BTBD10: variants seen among roughly 807,000 people sequenced by gnomAD.
The protein encoded by BTBD10 is BTB domain containing 10.
Under a neutral mutation model 53.2 loss-of-function variants are expected in BTBD10, and 21 were observed. That is an observed-to-expected ratio of 0.39 (90% CI 0.28 to 0.57). BTBD10 has a LOEUF of 0.57. Ranked by LOEUF, BTBD10 falls within the 20% of genes least tolerant of loss-of-function variation. The pLI is 0.53. For synonymous variants in BTBD10, 149 were observed against 192.7 expected, an observed-to-expected ratio of 0.77 and a Z score of 1.88; for missense variants, 360 against 594.7, an observed-to-expected ratio of 0.61 and a Z score of 4.10.
At chr11:13,457,294 A>G (rs1950991320) in intron 1 of BTBD10, among the ~76,000 whole-genome samples, 1 of 152,164 alleles carries the variant, frequency 6.6e-6, no homozygotes, top group Admixed American at 6.5e-5. Flanking sequence ...AGATGATACA[A>G]CTCCACTAAT....
intron 2 of BTBD10, chr11:13,439,919 A>C (rs1453071375): frequency 6.5e-7 from 1 of 1,534,208 alleles, no homozygotes; most frequent in Non-Finnish European, 8.7e-7. Flanking sequence ...ACACACAAAA[A>C]CAAGAAAAAA....
chr11:13,427,768 A>G (rs1318792040), intron 2 of BTBD10, among the ~76,000 whole-genome samples: 1 of 152,206 alleles, frequency 6.6e-6, no homozygotes, highest in East Asian at 1.9e-4. Context: ...TTAATCATAC[A>G]AAGTATGTTC....
chr11:13,462,948 G>A lies in BTBD10; in HGVS notation c.-58+144C>T, dbSNP rs190930821. 8.4e-3 allele frequency: 1,287 copies of A among 152,738 alleles called. 10 individuals carry two copies. The highest frequency in any genetic ancestry group is 0.014 in the Middle Eastern group (4 of 294). The allele number at this position is 152,738 out of a possible 1,614,324, so 9.5% of individuals were successfully genotyped here. On this transcript the variant is annotated intron_variant, in intron 1 of 8. Coordinates refer to ENST00000278174, the MANE Select transcript of BTBD10 (RefSeq NM_032320.7). Reference sequence around the variant, plus strand: ...GCCCAAAACGCCACCCACGGTACCCGAGCAGGGTCCGGCCGCCCAGACCAC... The same window carrying A: ...GCCCAAAACGCCACCCACGGTACCCAAGCAGGGTCCGGCCGCCCAGACCAC...
intron 5 of BTBD10, 125 bp from the exon 6 acceptor site, chr11:13,413,775 G>T: frequency 1.1e-6 from 1 of 933,116 alleles, no homozygotes; most frequent in Non-Finnish European, 1.5e-6. Context: ...CTGAAATGTG[G>T]AAGTTTAAAC....
chr11:13,427,037 C>A (rs1950352340), intron 2 of BTBD10, among the ~76,000 whole-genome samples: 1 of 151,978 alleles, frequency 6.6e-6, no homozygotes, highest in African/African-American at 2.4e-5. Context: ...GGCAACGTGG[C>A]AAAGCCTCAT....
At chr11:13,434,020 C>CA (rs1362952748) in intron 2 of BTBD10, among the ~76,000 whole-genome samples, 9 of 152,076 alleles carry the variant, frequency 5.9e-5, no homozygotes, top group Non-Finnish European at 1.3e-4. Context: ...GTTAAATTCT[C>CA]AAAGATCACC....
At chr11:13,413,957 C>A (rs1303594117) in intron 5 of BTBD10, among the ~76,000 whole-genome samples, 1 of 152,148 alleles carries the variant, frequency 6.6e-6, no homozygotes, top group Non-Finnish European at 1.5e-5. Context: ...GACATCACAC[C>A]AATGCATATG....
At chr11:13,391,871 G>A (rs1949415968) in intron 8 of BTBD10, among the ~76,000 whole-genome samples, 2 of 152,218 alleles carry the variant, frequency 1.3e-5, no homozygotes, top group South Asian at 4.1e-4. Flanking sequence ...TTGAACCCAG[G>A]AGGCGGAGGC....
intron 8 of BTBD10, among the ~76,000 whole-genome samples, chr11:13,398,031 G>T (rs991265805): frequency 2.6e-5 from 4 of 152,186 alleles, no homozygotes; most frequent in Non-Finnish European, 5.9e-5. Flanking sequence ...GATTTGGGGT[G>T]GGGAATTCTG....
intron 5 of BTBD10, among the ~76,000 whole-genome samples, chr11:13,414,943 A>T (rs971290275): frequency 2.0e-5 from 3 of 151,890 alleles, no homozygotes; most frequent in Non-Finnish European, 4.4e-5. Flanking sequence ...TGCTGCATCA[A>T]TGGAAGTGAA....
At chr11:13,448,520 C>A (rs1197204820) in intron 1 of BTBD10, among the ~76,000 whole-genome samples, 1 of 152,184 alleles carries the variant, frequency 6.6e-6, no homozygotes, top group Non-Finnish European at 1.5e-5. Context: ...CAATTAATGT[C>A]ATTTCTATTC....
intron 5 of BTBD10, among the ~76,000 whole-genome samples, chr11:13,413,939 T>C (rs1024937033): frequency 5.3e-5 from 8 of 152,240 alleles, no homozygotes; most frequent in Non-Finnish European, 1.2e-4. Flanking sequence ...AATTCATGTC[T>C]TCTTTATGAC....
chr11:13,438,461 T>C (rs916911608), intron 2 of BTBD10, among the ~76,000 whole-genome samples: 3 of 152,110 alleles, frequency 2.0e-5, no homozygotes, highest in African/African-American at 7.2e-5. Flanking sequence ...ATCAGAAAAA[T>C]GCGGATTGGT....
chr11:13,430,556 TA>T (rs1056155799), intron 2 of BTBD10, among the ~76,000 whole-genome samples: 2 of 151,958 alleles, frequency 1.3e-5, no homozygotes, highest in African/African-American at 2.4e-5. Flanking sequence ...ACATTATCCA[TA>T]AAAAAAATTT....
intron 8 of BTBD10, among the ~76,000 whole-genome samples, chr11:13,392,236 G>T (rs760531432): frequency 3.7e-4 from 56 of 152,150 alleles, no homozygotes; most frequent in Non-Finnish European, 8.8e-5. Context: ...GATTCTAATG[G>T]ACTAAAATAG....
intron 1 of BTBD10, among the ~76,000 whole-genome samples, chr11:13,448,139 T>A (rs185981511): frequency 6.6e-6 from 1 of 152,162 alleles, no homozygotes; most frequent in African/African-American, 2.4e-5. Context: ...TATGCCAATA[T>A]GCAAGGTGCT....
intron 1 of BTBD10, among the ~76,000 whole-genome samples, chr11:13,453,563 G>A (rs1950906427): frequency 6.6e-6 from 1 of 152,136 alleles, no homozygotes; most frequent in Non-Finnish European, 1.5e-5. Context: ...TAATTTTACT[G>A]CTTAAGTGTA....
At chr11:13,441,890 G>T (rs115209817) in intron 2 of BTBD10, among the ~76,000 whole-genome samples, 22 of 152,284 alleles carry the variant, frequency 1.4e-4, no homozygotes, top group African/African-American at 4.8e-4. Context: ...ATGGCCATAT[G>T]ACATGATTCT....
At chr11:13,424,233 G>A (rs534428338) in intron 2 of BTBD10, among the ~76,000 whole-genome samples, 6 of 152,228 alleles carry the variant, frequency 3.9e-5, no homozygotes, top group South Asian at 2.1e-4. Flanking sequence ...GCACAACAAC[G>A]AGTAAGACAA....
Sources: gnomAD v4.1 joint callset for allele counts (sites outside exome capture counted in the v4.1 genomes callset) on GRCh38, gnomAD v4.1.1 for gene constraint, MANE v1.5 for transcripts, NCBI Gene and HGNC (gene_info 2026-07-23, HGNC 2026-07-21) for gene names.